RABGAP1L: variants seen among roughly 807,000 people sequenced by gnomAD.
RABGAP1L encodes the protein rab GTPase-activating protein 1-like.
RABGAP1L carries 63 observed loss-of-function variants against 137.7 expected under a neutral mutation model. That is an observed-to-expected ratio of 0.46 (90% confidence interval 0.37 to 0.56). RABGAP1L has a LOEUF of 0.56. Among genes scored for constraint, RABGAP1L ranks in the 20% least tolerant of loss-of-function variants. The probability of loss-of-function intolerance (pLI) is 0.00; values close to 1 mark genes in which losing one functional copy is unlikely to be tolerated. For missense variants in RABGAP1L, 1,095 were observed against 1,244.0 expected (o/e 0.88, Z 1.80); for synonymous variants, 431 against 433.7 (o/e 0.99, Z 0.08).
At chr1:174,762,319 A>G (rs1396340031) in intron 18 of RABGAP1L, among the ~76,000 whole-genome samples, 2 of 152,140 alleles carry the variant, frequency 1.3e-5, no homozygotes, top group African/African-American at 4.8e-5. Flanking sequence ...TCAAGCCATA[A>G]TGAACTTCTT....
chr1:174,611,209 A>G (rs1389555461), intron 13 of RABGAP1L, among the ~76,000 whole-genome samples: 1 of 146,008 alleles, frequency 6.8e-6, no homozygotes, highest in Non-Finnish European at 1.5e-5. Flanking sequence ...TAAGTCTTTT[A>G]TCCATCTTGA....
At chr1:174,941,484 A>G (rs182925880) in intron 19 of RABGAP1L, among the ~76,000 whole-genome samples, 38 of 152,224 alleles carry the variant, frequency 2.5e-4, no homozygotes, top group Non-Finnish European at 4.4e-4. Flanking sequence ...TGGCACATGA[A>G]TTGCTCATAA....
At chr1:174,502,587 T>TATATATGTAC (rs1553316742) in intron 13 of RABGAP1L, among the ~76,000 whole-genome samples, 2 of 147,538 alleles carry the variant, frequency 1.4e-5, no homozygotes, top group African/African-American at 5.0e-5. Flanking sequence ...TATATATATA[T>TATATATGTAC]ATATATATAT....
intron 1 of RABGAP1L, among the ~76,000 whole-genome samples, chr1:174,180,233 G>A (rs1034340463): frequency 6.6e-5 from 10 of 152,196 alleles, no homozygotes; most frequent in Non-Finnish European, 1.5e-4. Context: ...TAGTTCTAGA[G>A]CCAGACAGAC....
intron 13 of RABGAP1L, among the ~76,000 whole-genome samples, chr1:174,428,319 G>C (rs925346089): frequency 6.6e-6 from 1 of 152,188 alleles, no homozygotes; most frequent in Admixed American, 6.5e-5. Flanking sequence ...TGACAATGCA[G>C]TGTATTGGAT....
intron 1 of RABGAP1L, among the ~76,000 whole-genome samples, chr1:174,163,286 TAAGG>T (rs1212948352): frequency 6.6e-6 from 1 of 152,220 alleles, no homozygotes; most frequent in Non-Finnish European, 1.5e-5. Flanking sequence ...TGGACCCTAA[TAAGG>T]AAGAGTTAAT....
intron 17 of RABGAP1L, among the ~76,000 whole-genome samples, chr1:174,708,619 C>G (rs1315449903): frequency 6.6e-6 from 1 of 152,200 alleles, no homozygotes; most frequent in South Asian, 2.1e-4. Context: ...AGCCCAGATA[C>G]TACACTTTTC....
At chr1:174,590,352 ATTTTT>A (rs755901559) in intron 13 of RABGAP1L, among the ~76,000 whole-genome samples, 1 of 83,130 alleles carries the variant, frequency 1.2e-5, no homozygotes, top group African/African-American at 3.2e-5. Flanking sequence ...TTTTTTATTT[ATTTTT>A]TTTTTATTAT....
chr1:174,778,768 G>A (rs1686731836), intron 18 of RABGAP1L, among the ~76,000 whole-genome samples: 1 of 151,890 alleles, frequency 6.6e-6, no homozygotes, highest in Non-Finnish European at 1.5e-5. Flanking sequence ...CTAATTTTTT[G>A]TATTTTTAGT....
intron 11 of RABGAP1L, among the ~76,000 whole-genome samples, chr1:174,368,689 G>A (rs1267562023): frequency 6.6e-6 from 1 of 151,946 alleles, no homozygotes; most frequent in East Asian, 1.9e-4. Context: ...AGTGAAAATA[G>A]CCATTTGTCA....
intron 11 of RABGAP1L, among the ~76,000 whole-genome samples, chr1:174,350,692 G>A (rs1487191148): frequency 7.2e-5 from 3 of 41,436 alleles, no homozygotes; most frequent in African/African-American, 1.9e-4. Context: ...ACGGGGTGGC[G>A]GCCGGGCAGA....
chr1:174,649,267 C>T (rs1288296867), intron 14 of RABGAP1L, among the ~76,000 whole-genome samples: 2 of 151,982 alleles, frequency 1.3e-5, no homozygotes, highest in Non-Finnish European at 1.5e-5. Context: ...TTCTTTTGCC[C>T]ATTAGTTAAT....
intron 13 of RABGAP1L, among the ~76,000 whole-genome samples, chr1:174,513,387 C>G (rs564290041): frequency 1.3e-5 from 2 of 151,966 alleles, no homozygotes; most frequent in Non-Finnish European, 2.9e-5. Flanking sequence ...GCAGGAGGAA[C>G]GCTTGAGGCT....
At chr1:174,201,233 G>T (rs1441020195) in intron 1 of RABGAP1L, among the ~76,000 whole-genome samples, 1 of 151,708 alleles carries the variant, frequency 6.6e-6, no homozygotes, top group Non-Finnish European at 1.5e-5. Flanking sequence ...GAAATTACAG[G>T]TGTGAGCCAC....
chr1:174,250,556 C>T lies in RABGAP1L; in HGVS notation c.799C>T (p.Pro267Ser), dbSNP rs201387814. 2 of 1,613,796 alleles carry T rather than the reference C, an allele frequency of 1.2e-6. No homozygotes were observed. The highest frequency in any genetic ancestry group is 2.2e-5 in the East Asian group (1 of 44,848). ...QVSDVKDSVI[P>S]TPDSDVFTFS... ...GTCTGATGTTAAAGACTCAGTTATTCCTACCCCCGACAGTGATGTGTTTAC... is the reference window on the plus strand; with the variant it reads ...GTCTGATGTTAAAGACTCAGTTATTTCTACCCCCGACAGTGATGTGTTTAC... Residue 267 changes from proline (P) to serine (S), a missense_variant, in exon 6 of 26, where the codon CCT (proline) becomes TCT (serine). Around this residue, in one of 4 missense-constraint regions of RABGAP1L, gnomAD observed 356 missense variants for 326.3 expected, o/e 1.09. Coordinates refer to ENST00000681986, the MANE Select transcript of RABGAP1L (RefSeq NM_001366446.1).
chr1:174,931,989 GGTTTTTTTTTT>G (rs1464543286), intron 19 of RABGAP1L, among the ~76,000 whole-genome samples: 2 of 94,182 alleles, frequency 2.1e-5, no homozygotes, highest in South Asian at 3.2e-4. Context: ...CTGCTTTTTT[GGTTTTTTTTTT>G]TTTTTTTTTT....
chr1:174,509,725 G>A (rs1363118118), intron 13 of RABGAP1L, among the ~76,000 whole-genome samples: 2 of 152,096 alleles, frequency 1.3e-5, no homozygotes, highest in African/African-American at 2.4e-5. Flanking sequence ...TATTTGAAAT[G>A]TAATGACATC....
intron 1 of RABGAP1L, among the ~76,000 whole-genome samples, chr1:174,211,973 A>T (rs902653987): frequency 6.6e-6 from 1 of 152,142 alleles, no homozygotes; most frequent in African/African-American, 2.4e-5. Context: ...GAGCACCCAG[A>T]TATATAAAGC....
At chr1:174,408,914 GT>G (rs1220739681) in intron 13 of RABGAP1L, among the ~76,000 whole-genome samples, 1 of 152,042 alleles carries the variant, frequency 6.6e-6, no homozygotes, top group African/African-American at 2.4e-5. Flanking sequence ...GGTGTTATTT[GT>G]TTTGTGCTTG....
Sources: gnomAD v4.1 joint callset for allele counts (sites outside exome capture counted in the v4.1 genomes callset) on GRCh38, gnomAD v4.1.1 for gene constraint, gnomAD v4.1.1 regional missense constraint, MANE v1.5 for transcripts, NCBI Gene and HGNC (gene_info 2026-07-23, HGNC 2026-07-21) for gene names.